Variants in CNTNAP2 observed in about 807,000 individuals in gnomAD.
CNTNAP2 encodes the protein contactin associated protein 2.
In CNTNAP2, 98 loss-of-function variants were observed where a neutral mutation model predicts 155.2. The observed-to-expected ratio is 0.63, with a 90% CI of 0.54 to 0.75. The LOEUF (loss-of-function observed/expected upper bound fraction) is 0.75, where lower values mean the gene tolerates loss of function less well. CNTNAP2 is among the 30% of genes least tolerant of loss of function. The pLI, the probability that CNTNAP2 is intolerant of heterozygous loss-of-function variation, is 0.00. For synonymous variants in CNTNAP2, 651 were observed against 631.2 expected, an observed-to-expected ratio of 1.03 and a Z score of -0.47; for missense variants, 1,727 against 1,688.1, an observed-to-expected ratio of 1.02 and a Z score of -0.40.
At chr7:146,872,685 C>A (rs1795338138) in intron 3 of CNTNAP2, among the ~76,000 whole-genome samples, 1 of 152,196 alleles carries the variant, frequency 6.6e-6, no homozygotes, top group Non-Finnish European at 1.5e-5. Context: ...AACTGTCAAA[C>A]ACATTGTATA....
At chr7:146,778,196 T>A (rs1802423583) in intron 2 of CNTNAP2, among the ~76,000 whole-genome samples, 1 of 152,222 alleles carries the variant, frequency 6.6e-6, no homozygotes, top group Non-Finnish European at 1.5e-5. Context: ...TCAAGTTTTA[T>A]TATTTACTTA....
chr7:148,132,388 T>A lies in CNTNAP2; in HGVS notation c.2554+14100T>A, dbSNP rs1177860121. ...GTTTTACCTTTAATTTTTTAATTTT[T>A]TTTTTTTTTTTAGTTTAGGTACTTC... On this transcript the variant is annotated intron_variant, in intron 16 of 23. Coordinates refer to ENST00000361727, the MANE Select transcript of CNTNAP2 (RefSeq NM_014141.6). Among the ~76,000 whole-genome samples the A allele has an allele frequency of 8.6e-5, 13 of 151,972 alleles. No homozygotes were observed. The East Asian group carries it at 1.9e-3, about 23-fold the overall frequency.
chr7:148,373,997 A>C (rs1255816543), intron 21 of CNTNAP2, among the ~76,000 whole-genome samples: 2 of 152,174 alleles, frequency 1.3e-5, no homozygotes, highest in African/African-American at 4.8e-5. Context: ...CCGAGATTCT[A>C]ATTTTTTCTT....
chr7:146,635,448 A>C (rs910264460), intron 1 of CNTNAP2, among the ~76,000 whole-genome samples: 10 of 152,200 alleles, frequency 6.6e-5, no homozygotes, highest in Admixed American at 5.9e-4. Flanking sequence ...GGACATTCTT[A>C]GGTGAGGTAC....
Position 146,602,750 on chromosome 7 carries a change from C to T in CNTNAP2, c.98-171521C>T, listed in dbSNP as rs1428541506. On this transcript the variant is annotated intron_variant, in intron 1 of 23. Transcript: ENST00000361727. ...TAAGAATCAGTTGTGCTAGGAGTCT[C>T]CTTCAATGTGTTTCAAATATTTGGT... Among the ~76,000 whole-genome samples, 5 of 152,152 alleles carry T rather than the reference C, an allele frequency of 3.3e-5. No individual in the cohort carries two copies. In the East Asian group the frequency reaches 9.6e-4, roughly 29 times the overall value.
At chr7:147,021,274 A>G (rs1030227832) in intron 3 of CNTNAP2, among the ~76,000 whole-genome samples, 13 of 152,130 alleles carry the variant, frequency 8.5e-5, no homozygotes, top group African/African-American at 2.4e-4. Flanking sequence ...TCTTCTTTCA[A>G]TGGGCCCAGG....
At chr7:146,449,334 A>G (rs940837623) in intron 1 of CNTNAP2, among the ~76,000 whole-genome samples, 4 of 151,996 alleles carry the variant, frequency 2.6e-5, no homozygotes, top group Admixed American at 2.0e-4. Flanking sequence ...TTTTTCTATT[A>G]TATTATGTAA....
intron 1 of CNTNAP2, among the ~76,000 whole-genome samples, chr7:146,732,020 G>A (rs965589381): frequency 3.9e-5 from 6 of 151,990 alleles, no homozygotes; most frequent in African/African-American, 1.5e-4. Context: ...ATTATTCCCA[G>A]CGAGTACCTA....
At chr7:147,491,278 C>T (rs1798604804) in intron 11 of CNTNAP2, among the ~76,000 whole-genome samples, 1 of 152,010 alleles carries the variant, frequency 6.6e-6, no homozygotes, top group Admixed American at 6.6e-5. Flanking sequence ...GTTTTTGATG[C>T]ATGCCCTGCA....
rs1801204406 is a variant in CNTNAP2 at position 147,612,406 on chromosome 7, T to TC, written c.1898-26700_1898-26699insC. 3.3e-5 allele frequency among the ~76,000 whole-genome samples: 5 copies of TC among 151,066 alleles called. No individual in the cohort carries two copies. In the South Asian group the frequency reaches 1.0e-3, roughly 31 times the overall value. On this transcript the variant is annotated intron_variant, in intron 12 of 23. Coordinates refer to ENST00000361727, the MANE Select transcript of CNTNAP2 (RefSeq NM_014141.6). ...AAGCTTATGTAATTTTCTTTCTTTT[T>TC]TTTTTTTTTTTTCTGAGACGGAGTC... is the stretch of plus-strand genomic sequence containing the variant.
chr7:147,530,311 C>T (rs1263364938), intron 11 of CNTNAP2, among the ~76,000 whole-genome samples: 1 of 151,606 alleles, frequency 6.6e-6, no homozygotes, highest in African/African-American at 2.4e-5. Context: ...TTCCAAGTAG[C>T]TGGGACTATA....
chr7:148,261,400 T>A (rs2116831844), intron 20 of CNTNAP2, among the ~76,000 whole-genome samples: 1 of 152,306 alleles, frequency 6.6e-6, no homozygotes, highest in Middle Eastern at 3.4e-3. Context: ...CCACAGGTGA[T>A]CCGCCCACTT....
At chr7:147,802,013 C>G (rs1798002526) in intron 13 of CNTNAP2, among the ~76,000 whole-genome samples, 1 of 148,142 alleles carries the variant, frequency 6.8e-6, no homozygotes, top group South Asian at 2.1e-4. Flanking sequence ...CTCCTCACTT[C>G]CCGGACAGGG....
chr7:147,670,694 C>T (rs546497810), intron 13 of CNTNAP2, among the ~76,000 whole-genome samples: 14 of 152,176 alleles, frequency 9.2e-5, no homozygotes, highest in Non-Finnish European at 1.9e-4. Context: ...TTTCAGCTCC[C>T]CTTCCAACTG....
At chr7:147,401,088 C>A (rs747296536) in intron 10 of CNTNAP2, among the ~76,000 whole-genome samples, 26 of 152,118 alleles carry the variant, frequency 1.7e-4, no homozygotes, top group Non-Finnish European at 3.7e-4. Context: ...GACTAAATAG[C>A]TGTTTAGAGG....
intron 8 of CNTNAP2, among the ~76,000 whole-genome samples, chr7:147,177,918 T>C (rs561921334): frequency 1.3e-5 from 2 of 152,222 alleles, no homozygotes; most frequent in East Asian, 3.9e-4. Context: ...CTTATAAAAA[T>C]TGAAAATACC....
At chr7:147,390,704 A>C (rs555395137) in intron 9 of CNTNAP2, among the ~76,000 whole-genome samples, 1 of 152,234 alleles carries the variant, frequency 6.6e-6, no homozygotes, top group East Asian at 1.9e-4. Flanking sequence ...CTTTATACTT[A>C]ACCTTGGAAA....
intron 13 of CNTNAP2, among the ~76,000 whole-genome samples, chr7:147,671,359 G>T (rs953145154): frequency 1.3e-5 from 2 of 152,150 alleles, no homozygotes; most frequent in Admixed American, 6.5e-5. Flanking sequence ...ACCGGACACA[G>T]GCTGAACTGA....
intron 2 of CNTNAP2, among the ~76,000 whole-genome samples, chr7:146,815,839 C>T (rs1395639060): frequency 1.3e-5 from 2 of 152,044 alleles, no homozygotes; most frequent in African/African-American, 2.4e-5. Context: ...ATACATGTGC[C>T]ATGTTGGTGT....
Sources: allele counts gnomAD v4.1 joint callset (sites outside exome capture counted in the v4.1 genomes callset), GRCh38; gene constraint gnomAD v4.1.1; transcripts MANE v1.5; gene names NCBI Gene and HGNC (gene_info 2026-07-23, HGNC 2026-07-21).